The following CACNA1A variants were observed in gnomAD, a reference collection of about 807,000 sequenced individuals.
The protein encoded by CACNA1A is calcium voltage-gated channel subunit alpha1 A.
A neutral mutation model predicts 262.4 loss-of-function variants in CACNA1A; 57 were observed. The ratio of observed to expected loss-of-function variants is 0.22; its 90% CI spans 0.18 to 0.27. CACNA1A has a LOEUF of 0.27. Among genes scored for constraint, CACNA1A ranks in the 10% least tolerant of loss-of-function variants. The pLI is 1.00. For synonymous variants in CACNA1A, 1,431 were observed against 1,419.3 expected (o/e 1.01, Z -0.18); for missense variants, 2,526 against 3,562.8 (o/e 0.71, Z 7.41).
intron 38 of CACNA1A, among the ~76,000 whole-genome samples, chr19:13,217,884 C>T (rs1462270894): frequency 2.8e-5 from 4 of 144,736 alleles, no homozygotes; most frequent in African/African-American, 1.0e-4. Context: ...TGAAGAGTGT[C>T]TTTATTTAGC....
At chr19:13,381,427 G>A (rs138228768) in intron 3 of CACNA1A, among the ~76,000 whole-genome samples, 1 of 151,172 alleles carries the variant, frequency 6.6e-6, no homozygotes, top group African/African-American at 2.4e-5. Context: ...TTTGCACATG[G>A]TTTTCCTTGG....
chr19:13,281,270 T>TG (rs1205899944), intron 22 of CACNA1A, among the ~76,000 whole-genome samples: 3 of 149,148 alleles, frequency 2.0e-5, no homozygotes. Context: ...CCTAGCTACC[T>TG]GGGGGGCTGA....
chr19:13,227,946 C>T (rs2055526685), intron 36 of CACNA1A, among the ~76,000 whole-genome samples: 1 of 123,382 alleles, frequency 8.1e-6, no homozygotes, highest in African/African-American at 3.1e-5. Flanking sequence ...CAGGGTCTCT[C>T]TCTGTCGCCT....
chr19:13,342,438 G>T (rs1267748099), intron 6 of CACNA1A, among the ~76,000 whole-genome samples: 1 of 152,154 alleles, frequency 6.6e-6, no homozygotes, highest in Non-Finnish European at 1.5e-5. Flanking sequence ...TTGCTCATTT[G>T]TTAAATTCAT....
intron 3 of CACNA1A, among the ~76,000 whole-genome samples, chr19:13,376,667 TTA>T (rs546644583): frequency 5.6e-4 from 83 of 147,594 alleles, no homozygotes; most frequent in African/African-American, 1.7e-3. Context: ...ATAATATATG[TTA>T]TATATGATAC....
At chr19:13,393,333 C>T (rs1210122785) in intron 3 of CACNA1A, among the ~76,000 whole-genome samples, 1 of 152,300 alleles carries the variant, frequency 6.6e-6, no homozygotes, top group South Asian at 2.1e-4. Flanking sequence ...CTCACACATA[C>T]AACGTCAAGG....
At chr19:13,278,563 C>CCT (rs1846444036) in intron 22 of CACNA1A, among the ~76,000 whole-genome samples, 1 of 151,978 alleles carries the variant, frequency 6.6e-6, no homozygotes, top group African/African-American at 2.4e-5. Context: ...CACCACACCC[C>CCT]CGGCCACTTA....
rs1568662077 is a variant in CACNA1A, at chr19:13,455,213, G to C, written c.294-1C>G. ...GGCTAAAATCATATATTCAAAGGGA[G>C]TATTGGGGAATTAAGGAAAAATCTT... On this transcript the variant is annotated splice_acceptor_variant, in intron 1 of 46. Coordinates refer to ENST00000360228, the MANE Select transcript of CACNA1A (RefSeq NM_001127222.2). LOFTEE classifies it high-confidence loss of function. The C allele has an allele frequency of 3.8e-6, 6 of 1,582,368 alleles. No individual in the cohort carries two copies. The highest frequency in any genetic ancestry group is 5.2e-6 in the Non-Finnish European group (6 of 1,151,356).
At chr19:13,444,745 C>T (rs1020996316) in intron 3 of CACNA1A, among the ~76,000 whole-genome samples, 1 of 152,090 alleles carries the variant, frequency 6.6e-6, no homozygotes, top group Non-Finnish European at 1.5e-5. Flanking sequence ...CCTTCTTATT[C>T]TAGATCTCTT....
At chr19:13,386,776 G>C (rs1297622251) in intron 3 of CACNA1A, among the ~76,000 whole-genome samples, 2 of 152,030 alleles carry the variant, frequency 1.3e-5, no homozygotes, top group Non-Finnish European at 2.9e-5. Flanking sequence ...CTGGGCGACA[G>C]AGCGGGACTC....
intron 6 of CACNA1A, among the ~76,000 whole-genome samples, chr19:13,338,717 A>T (rs2058621113): frequency 6.6e-6 from 1 of 152,172 alleles, no homozygotes; most frequent in African/African-American, 2.4e-5. Context: ...GACTAGGAAC[A>T]GGATATGAGG....
Position 13,208,770 on chromosome 19 carries a change from T to C in CACNA1A, c.6766A>G (p.Met2256Val), listed in dbSNP as rs1189604252. ...SRSPSEGREH[M>V]AHRQGSSSVS... ...GCCGCACCCACCTGCCGGTGCGCCA[T>C]GTGCTCTCGGCCCTCGCTGGGCGAG... Residue 2256 changes from methionine to valine, a missense_variant, in exon 46 of 47, where the codon ATG (methionine) becomes GTG (valine). Met to Val is a conservative substitution (Grantham distance 21). Coordinates refer to ENST00000360228, the MANE Select transcript of CACNA1A (RefSeq NM_001127222.2). The C allele has an allele frequency of 1.9e-6, 3 of 1,570,582 alleles. No individual in the cohort carries two copies. The highest frequency in any genetic ancestry group is 1.4e-5 in the African/African-American group (1 of 73,846).
intron 1 of CACNA1A, among the ~76,000 whole-genome samples, chr19:13,505,486 C>A (rs1054501521): frequency 1.3e-5 from 2 of 152,134 alleles, no homozygotes. Context: ...TGCGTGGACT[C>A]CAGTGAGCGA....
intron 3 of CACNA1A, among the ~76,000 whole-genome samples, chr19:13,385,813 T>C (rs2059602572): frequency 6.6e-6 from 1 of 152,056 alleles, no homozygotes; most frequent in Non-Finnish European, 1.5e-5. Flanking sequence ...TAGAAAAGTG[T>C]GGTTGATAAT....
chr19:13,475,464 C>CA (rs1978413271), intron 1 of CACNA1A, among the ~76,000 whole-genome samples: 1 of 152,208 alleles, frequency 6.6e-6, no homozygotes, highest in Admixed American at 6.5e-5. Flanking sequence ...CGGAAGGACT[C>CA]ACGTCACTTC....
chr19:13,240,186 AT>A (rs1275622365), intron 31 of CACNA1A, among the ~76,000 whole-genome samples: 2 of 149,926 alleles, frequency 1.3e-5, no homozygotes, highest in African/African-American at 4.9e-5. Flanking sequence ...GAGAGAGAGA[AT>A]TGGAGAATGA....
chr19:13,396,454 T>G (rs973602842), intron 3 of CACNA1A, among the ~76,000 whole-genome samples: 1 of 152,226 alleles, frequency 6.6e-6, no homozygotes, highest in African/African-American at 2.4e-5. Flanking sequence ...ACACCACAGC[T>G]GCGCCGGCCC....
At chr19:13,489,502 C>A (rs943794704) in intron 1 of CACNA1A, among the ~76,000 whole-genome samples, 2 of 152,124 alleles carry the variant, frequency 1.3e-5, no homozygotes, top group Non-Finnish European at 2.9e-5. Context: ...GTTGCCCAGC[C>A]TGCTCTCAAA....
chr19:13,448,394 A>G (rs2060855751), intron 3 of CACNA1A, among the ~76,000 whole-genome samples: 2 of 152,092 alleles, frequency 1.3e-5, no homozygotes, highest in South Asian at 4.2e-4. Context: ...AAAATAACTA[A>G]TGGGTACTAG....
Sources: allele counts gnomAD v4.1 joint callset (sites outside exome capture counted in the v4.1 genomes callset), GRCh38; gene constraint gnomAD v4.1.1; transcripts MANE v1.5; gene names NCBI Gene and HGNC (gene_info 2026-07-23, HGNC 2026-07-21).